Variants in GPHN observed in about 807,000 individuals in gnomAD.
The protein encoded by GPHN is gephyrin.
A neutral mutation model predicts 95.5 loss-of-function variants in GPHN; 17 were observed. That is an observed-to-expected ratio of 0.18 (90% CI 0.12 to 0.27). The LOEUF (loss-of-function observed/expected upper bound fraction) is 0.27, where lower values mean the gene tolerates loss of function less well. Among genes scored for constraint, GPHN ranks in the 10% least tolerant of loss-of-function variants. The pLI, the probability that GPHN is intolerant of heterozygous loss-of-function variation, is 1.00. For synonymous variants in GPHN, 320 were observed against 322.5 expected, an observed-to-expected ratio of 0.99 and a Z score of 0.08; for missense variants, 660 against 978.1, an observed-to-expected ratio of 0.67 and a Z score of 4.34.
At chr14:67,482,685 C>T in the GPHN span, among the ~76,000 whole-genome samples, 1 of 152,214 alleles carries the variant, frequency 6.6e-6, no homozygotes, top group African/African-American at 2.4e-5. Context: ...CCTCCCTGAA[C>T]TTCCCCTGTT....
chr14:66,854,291 T>A (rs1481679219), intron 4 of GPHN, among the ~76,000 whole-genome samples: 1 of 152,184 alleles, frequency 6.6e-6, no homozygotes, highest in African/African-American at 2.4e-5. Flanking sequence ...CATTTCAAGT[T>A]CACATTCCTT....
chr14:66,979,851 A>G (rs2070529881), intron 9 of GPHN, among the ~76,000 whole-genome samples: 1 of 152,104 alleles, frequency 6.6e-6, no homozygotes, highest in Non-Finnish European at 1.5e-5. Context: ...TATTCCTTCT[A>G]CTTGAACTCT....
At chr14:66,733,053 G>A (rs570085667) in intron 2 of GPHN, among the ~76,000 whole-genome samples, 1 of 152,276 alleles carries the variant, frequency 6.6e-6, no homozygotes, top group African/African-American at 2.4e-5. Context: ...ATCCCCATGA[G>A]TCAAGGGAGG....
chr14:66,680,061 C>G (rs2066851976), intron 1 of GPHN, among the ~76,000 whole-genome samples: 1 of 152,130 alleles, frequency 6.6e-6, no homozygotes, highest in Non-Finnish European at 1.5e-5. Context: ...TGCTAATCAC[C>G]TCAACTCAAT....
At chr14:67,072,408 A>AGT (rs2076345981) in intron 11 of GPHN, among the ~76,000 whole-genome samples, 2 of 152,084 alleles carry the variant, frequency 1.3e-5, no homozygotes, top group Non-Finnish European at 2.9e-5. Context: ...TTTAAGTTTG[A>AGT]GTGATTCACT....
the GPHN span, among the ~76,000 whole-genome samples, chr14:67,732,466 G>T: frequency 7.1e-6 from 1 of 141,614 alleles, no homozygotes. Flanking sequence ...ACTAGATACA[G>T]TATGATCCCG....
At chr14:67,371,809 C>T in the GPHN span, among the ~76,000 whole-genome samples, 1 of 152,104 alleles carries the variant, frequency 6.6e-6, no homozygotes, top group Non-Finnish European at 1.5e-5. Context: ...GATAAGAAAA[C>T]CCAACAAAGA....
chr14:66,960,404 C>CAGGGA (rs1427612289), intron 8 of GPHN, among the ~76,000 whole-genome samples: 1 of 151,796 alleles, frequency 6.6e-6, no homozygotes, highest in Non-Finnish European at 1.5e-5. Flanking sequence ...ATTCTCCCCT[C>CAGGGA]TCCCTGGGGC....
intron 16 of GPHN, among the ~76,000 whole-genome samples, chr14:67,115,830 A>G (rs1341414754): frequency 1.3e-5 from 2 of 152,196 alleles, no homozygotes; most frequent in African/African-American, 2.4e-5. Flanking sequence ...TGGCAACCCA[A>G]AGAGTGCCGT....
At chr14:67,458,357 G>T in the GPHN span, among the ~76,000 whole-genome samples, 1 of 152,230 alleles carries the variant, frequency 6.6e-6, no homozygotes, top group Non-Finnish European at 1.5e-5. Flanking sequence ...CAACTCTCTG[G>T]TTCGTTCAAC....
intron 4 of GPHN, among the ~76,000 whole-genome samples, chr14:66,837,898 A>G (rs2061919325): frequency 6.6e-6 from 1 of 152,036 alleles, no homozygotes; most frequent in Admixed American, 6.6e-5. Context: ...TGGATACGAG[A>G]GATCATATGT....
intron 3 of GPHN, among the ~76,000 whole-genome samples, chr14:66,795,637 A>C (rs548389339): frequency 6.6e-6 from 1 of 152,114 alleles, no homozygotes; most frequent in Non-Finnish European, 1.5e-5. Flanking sequence ...TATAGTTTCT[A>C]CTAATAATAA....
At chr14:67,199,017 A>C in the GPHN span, 129 of 712,066 alleles carry the variant, frequency 1.8e-4, no homozygotes, top group Non-Finnish European at 6.2e-5. Flanking sequence ...GGAGGACAAC[A>C]GACACTTCAA....
At chr14:67,626,016 G>A in the GPHN span, among the ~76,000 whole-genome samples, 3 of 152,170 alleles carry the variant, frequency 2.0e-5, no homozygotes, top group East Asian at 5.8e-4. Context: ...TACTTTGGGA[G>A]GCTGAGGCGG....
At chr14:66,707,363 T>G (rs1225622342) in intron 2 of GPHN, among the ~76,000 whole-genome samples, 26 of 152,212 alleles carry the variant, frequency 1.7e-4, no homozygotes, top group Admixed American at 1.7e-3. Context: ...CACATGCACG[T>G]GTTTGTTTAT....
intron 1 of GPHN, among the ~76,000 whole-genome samples, chr14:66,645,794 T>G (rs2064715067): frequency 1.3e-5 from 2 of 152,116 alleles, no homozygotes; most frequent in African/African-American, 4.8e-5. Flanking sequence ...GTTTTACATT[T>G]GTGTCTCTCA....
chr14:66,623,880 A>G (rs1164694015), intron 1 of GPHN, among the ~76,000 whole-genome samples: 1 of 152,144 alleles, frequency 6.6e-6, no homozygotes, highest in Non-Finnish European at 1.5e-5. Context: ...AGGGCTGAAG[A>G]TGAAGGGGAA....
chr14:67,625,680 CAAA>C, the GPHN span, among the ~76,000 whole-genome samples: 1 of 32,126 alleles, frequency 3.1e-5, no homozygotes, highest in Non-Finnish European at 6.6e-5. Flanking sequence ...AACTCCATCT[CAAA>C]AAAAAAAAAA....
intron 9 of GPHN, among the ~76,000 whole-genome samples, chr14:67,023,331 A>AAAT (rs2073757095): frequency 6.6e-6 from 1 of 152,140 alleles, no homozygotes; most frequent in South Asian, 2.1e-4. Flanking sequence ...CTAAATATAC[A>AAAT]GTAACAAATT....
Sources: gnomAD v4.1 joint callset for allele counts (sites outside exome capture counted in the v4.1 genomes callset) on GRCh38, gnomAD v4.1.1 for gene constraint, MANE v1.5 for transcripts, NCBI Gene and HGNC (gene_info 2026-07-23, HGNC 2026-07-21) for gene names.